Variants in CFAP54 observed in about 807,000 individuals in gnomAD.
The protein encoded by CFAP54 is cilia and flagella associated protein 54.
CFAP54 carries 290 observed loss-of-function variants against 370.4 expected under a neutral mutation model. That is an observed-to-expected ratio of 0.78 (90% CI 0.71 to 0.86). The LOEUF (loss-of-function observed/expected upper bound fraction) is 0.86, where lower values mean the gene tolerates loss of function less well. Among genes scored for constraint, CFAP54 ranks in the 40% least tolerant of loss-of-function variants. The pLI, the probability that CFAP54 is intolerant of heterozygous loss-of-function variation, is 0.00. For synonymous variants in CFAP54, 1,206 were observed against 1,236.5 expected (o/e 0.98, Z 0.52); for missense variants, 3,399 against 3,528.7 (o/e 0.96, Z 0.93).
At chr12:96,766,744 A>C (rs1303564203) in intron 60 of CFAP54, among the ~76,000 whole-genome samples, 2 of 152,184 alleles carry the variant, frequency 1.3e-5, no homozygotes, top group Non-Finnish European at 2.9e-5. Context: ...TCTTCTTCAT[A>C]CTGCCTCCTT....
chr12:96,606,484 T>G lies in CFAP54; in HGVS notation c.3639+7717T>G, dbSNP rs1028760573. 2.0e-5 allele frequency among the ~76,000 whole-genome samples: 3 copies of G among 152,216 alleles called. No homozygotes were observed. In the South Asian group the frequency reaches 6.2e-4, roughly 32 times the overall value. On this transcript the variant is annotated intron_variant, in intron 26 of 67. Coordinates refer to ENST00000524981, the MANE Select transcript of CFAP54 (RefSeq NM_001306084.2). ...CAAAAATATGGGAAAACAATTAAAA[T>G]AGTTAACTAAATTTATTTAGGCTTT...
At chr12:96,677,291 C>G (rs1243072358) in intron 39 of CFAP54, among the ~76,000 whole-genome samples, 2 of 152,148 alleles carry the variant, frequency 1.3e-5, no homozygotes, top group Non-Finnish European at 2.9e-5. Context: ...GGATTACAGG[C>G]ATGAGCCACA....
intron 26 of CFAP54, among the ~76,000 whole-genome samples, chr12:96,618,225 C>T (rs1407396220): frequency 3.3e-5 from 5 of 152,098 alleles, no homozygotes; most frequent in Non-Finnish European, 5.9e-5. Context: ...TGGTTTGCAT[C>T]TTGCCAATGG....
At chr12:96,634,199 G>A (rs1956640200) in intron 32 of CFAP54, among the ~76,000 whole-genome samples, 1 of 151,490 alleles carries the variant, frequency 6.6e-6, no homozygotes, top group African/African-American at 2.4e-5. Context: ...GGGATTACAG[G>A]CATGCACCAC....
chr12:96,694,755 G>A (rs1957422660), intron 45 of CFAP54, among the ~76,000 whole-genome samples: 1 of 151,910 alleles, frequency 6.6e-6, no homozygotes, highest in Non-Finnish European at 1.5e-5. Flanking sequence ...CAGGCATGAT[G>A]TCTCACGCCT....
In CFAP54 at chr12:96,526,885, G is replaced by GTTTTTTTTT. The variant is rs34080505; in HGVS notation, c.1159-346_1159-338dup. On this transcript the variant is annotated intron_variant, in intron 8 of 67. Transcript: ENST00000524981. ...CTTACTTTTCTTTGCCTTATAACAGGTTTTTTTTTTTTTTTTTTTTTTTGC... is the reference window on the plus strand; with the variant it reads ...CTTACTTTTCTTTGCCTTATAACAGGTTTTTTTTTTTTTTTTTTTTTTTTTTTTTTTTGC... 4.1e-4 allele frequency among the ~76,000 whole-genome samples: 40 copies of GTTTTTTTTT among 97,690 alleles called. 1 individual carries two copies. Among genetic ancestry groups the GTTTTTTTTT allele is most frequent in the South Asian group, 7.9e-4 (2 of 2,518 alleles). 64.1% of individuals were successfully genotyped at this position (97,690 alleles called of 152,430 possible).
intron 26 of CFAP54, among the ~76,000 whole-genome samples, chr12:96,601,522 A>G (rs1329912803): frequency 3.9e-5 from 6 of 152,204 alleles, no homozygotes; most frequent in African/African-American, 1.4e-4. Flanking sequence ...ATAGTTTCAG[A>G]AAGAATGGTG....
chr12:96,489,918 C>A lies in CFAP54; in HGVS notation c.309C>A (p.Arg103=). 6.5e-7 allele frequency: 1 copy of A among 1,531,554 alleles called. No homozygotes were observed. Among genetic ancestry groups the A allele is most frequent in the Non-Finnish European group, 8.7e-7 (1 of 1,143,642 alleles). The allele number at this position is 1,531,554 out of a possible 1,614,324, so 94.9% of individuals were successfully genotyped here. The stretch of plus-strand genomic sequence containing the variant: ...CGGAGGAAGAGAAGCACGAATTCCG[C>A]CGGCGTTGGTAAGCGCTGGCGGGGC... ...ATTEEEKHEF[R]RRCATSLFNI... Residue 103 remains arginine (R), a synonymous_variant, in exon 1 of 68, where the codon CGC becomes CGA. Transcript: ENST00000524981.
chr12:96,674,437 T>C lies in CFAP54; in HGVS notation c.5564-5163T>C, dbSNP rs111340597. ...TTGGAATAGCTTCTTAAATTATCCA[T>C]GGACGTTTTCAGAGAGGAAACCCCT... is the stretch of plus-strand genomic sequence containing the variant. On this transcript the variant is annotated intron_variant, in intron 39 of 67. Transcript: ENST00000524981. Among the ~76,000 whole-genome samples the C allele has an allele frequency of 4.1e-3, 604 of 147,234 alleles. 3 individuals carry two copies. Among genetic ancestry groups the C allele is most frequent in the Non-Finnish European group, 7.0e-3 (470 of 66,744 alleles).
chr12:96,594,250 A>G, intron 24 of CFAP54, 41 bp from the exon 25 acceptor site: 1 of 1,396,554 alleles, frequency 7.2e-7, no homozygotes, highest in Non-Finnish European at 9.7e-7. Context: ...TACGCTAAGC[A>G]CCTATGTTCA....
chr12:96,842,197 T>C (rs1023564888), intron 66 of CFAP54, among the ~76,000 whole-genome samples: 1 of 152,236 alleles, frequency 6.6e-6, no homozygotes, highest in Non-Finnish European at 1.5e-5. Context: ...ATTCTTGATA[T>C]TATTTCTCAA....
At chr12:96,738,327 A>G (rs1485654770) in intron 50 of CFAP54, among the ~76,000 whole-genome samples, 2 of 152,030 alleles carry the variant, frequency 1.3e-5, no homozygotes, top group Middle Eastern at 3.2e-3. Context: ...GTTTCCTAAG[A>G]CTGTTGTAGC....
intron 62 of CFAP54, 29 bp from the exon 63 acceptor site, chr12:96,792,278 GTAACAAATTTATTACCAGTAAT>G (rs1158800325): frequency 1.2e-5 from 17 of 1,395,884 alleles, no homozygotes; most frequent in Non-Finnish European, 1.2e-5. Flanking sequence ...TTTCATATAT[GTAACAAATTTATTACCAGTAAT>G]TAAACTGATG....
chr12:96,520,636 T>C (rs1955297880), intron 6 of CFAP54, among the ~76,000 whole-genome samples: 1 of 152,220 alleles, frequency 6.6e-6, no homozygotes, highest in Admixed American at 6.5e-5. Context: ...CCTGGCTTGG[T>C]CAGTGGATGG....
chr12:96,614,598 T>C (rs1377958494), intron 26 of CFAP54, among the ~76,000 whole-genome samples: 1 of 152,234 alleles, frequency 6.6e-6, no homozygotes, highest in Non-Finnish European at 1.5e-5. Context: ...ATGACATGAT[T>C]GTATATGTAG....
intron 50 of CFAP54, among the ~76,000 whole-genome samples, chr12:96,724,912 G>A (rs1272993680): frequency 2.0e-5 from 3 of 152,224 alleles, no homozygotes; most frequent in African/African-American, 7.2e-5. Context: ...ATTTTTCCCA[G>A]CACCATTTAT....
intron 66 of CFAP54, among the ~76,000 whole-genome samples, chr12:96,842,790 G>T (rs1330663967): frequency 2.0e-5 from 3 of 151,632 alleles, no homozygotes; most frequent in Admixed American, 1.3e-4. Context: ...CTTTTTTCTT[G>T]CCCTTTGCTT....
intron 19 of CFAP54, among the ~76,000 whole-genome samples, chr12:96,574,759 G>A (rs1420616): frequency 0.41 from 61,572 of 151,852 alleles, 12,825 homozygotes; most frequent in African/African-American, 0.46. Flanking sequence ...TTGTTAGAGT[G>A]AATGTATTAG....
chr12:96,560,527 C>T (rs1208616404), intron 17 of CFAP54, among the ~76,000 whole-genome samples: 1 of 152,158 alleles, frequency 6.6e-6, no homozygotes, highest in African/African-American at 2.4e-5. Context: ...ATAACTCCTC[C>T]AACTTCTTTT....
Sources: allele counts gnomAD v4.1 joint callset (sites outside exome capture counted in the v4.1 genomes callset), GRCh38; gene constraint gnomAD v4.1.1; transcripts MANE v1.5; gene names NCBI Gene and HGNC (gene_info 2026-07-23, HGNC 2026-07-21).